BRD4: variants seen among roughly 807,000 people sequenced by gnomAD.
The protein encoded by BRD4 is bromodomain-containing protein 4.
Under a neutral mutation model 142.1 loss-of-function variants are expected in BRD4, and 16 were observed. The observed-to-expected ratio is 0.11, with a 90% CI of 0.08 to 0.17. BRD4 has a LOEUF of 0.17. BRD4 is among the 10% of genes least tolerant of loss of function. BRD4 has a pLI of 1.00. For synonymous variants in BRD4, 833 were observed against 707.5 expected (o/e 1.18, Z -2.82); for missense variants, 1,424 against 1,810.9 (o/e 0.79, Z 3.88).
At chr19:15,298,439 C>A (rs1474622889) in intron 1 of BRD4, among the ~76,000 whole-genome samples, 1 of 151,820 alleles carries the variant, frequency 6.6e-6, no homozygotes, top group Non-Finnish European at 1.5e-5. Context: ...AGATCAAGAC[C>A]AGCCTGCCCA....
At chr19:15,288,691 G>GCC (rs1370063661) in intron 1 of BRD4, among the ~76,000 whole-genome samples, 2 of 152,234 alleles carry the variant, frequency 1.3e-5, no homozygotes, top group Non-Finnish European at 2.9e-5. Context: ...GACACACAGG[G>GCC]CCGCCGAAGG....
At chr19:15,300,498 T>C (rs746954177) in intron 1 of BRD4, among the ~76,000 whole-genome samples, 1 of 151,958 alleles carries the variant, frequency 6.6e-6, no homozygotes, top group Non-Finnish European at 1.5e-5. Flanking sequence ...GAGGTTGCAG[T>C]GAGCAGAGAT....
At chr19:15,296,417 G>A (rs2047823339) in intron 1 of BRD4, among the ~76,000 whole-genome samples, 1 of 152,162 alleles carries the variant, frequency 6.6e-6, no homozygotes, top group South Asian at 2.1e-4. Context: ...CTTCTTCCAA[G>A]TGCATATTGG....
chr19:15,244,280 C>T lies in BRD4; in HGVS notation c.2532G>A (p.Glu844=), dbSNP rs1270534515. The change falls in exon 13 of 20, where the codon GAG becomes GAA. Residue 844 remains glutamate (E), a synonymous_variant. Transcript: ENST00000679869. The part of the protein sequence containing the change: ...ELPPHLPQPP[E]HSTPPHLNQH... Reference sequence around the variant, plus strand: ...GGTTGAGATGGGGTGGAGTGCTGTGCTCAGGCGGCTGGGGCAGGTGAGGGG... The same window carrying T: ...GGTTGAGATGGGGTGGAGTGCTGTGTTCAGGCGGCTGGGGCAGGTGAGGGG... 6.3e-7 allele frequency: 1 copy of T among 1,590,628 alleles called. No homozygotes were observed. Among genetic ancestry groups the T allele is most frequent in the Non-Finnish European group, 8.5e-7 (1 of 1,170,750 alleles).
chr19:15,282,507 C>T (rs1185716187), intron 1 of BRD4, among the ~76,000 whole-genome samples: 1 of 152,186 alleles, frequency 6.6e-6, no homozygotes, highest in African/African-American at 2.4e-5. Flanking sequence ...CAATCTATCC[C>T]CTTTGACAAG....
At chr19:15,306,041 A>C (rs776113381) in intron 1 of BRD4, among the ~76,000 whole-genome samples, 25 of 152,218 alleles carry the variant, frequency 1.6e-4, no homozygotes, top group Non-Finnish European at 2.8e-4. Flanking sequence ...GAATAGAGTT[A>C]CTACGGCCTT....
chr19:15,303,041 G>A (rs1345354910), intron 1 of BRD4, among the ~76,000 whole-genome samples: 2 of 150,306 alleles, frequency 1.3e-5, no homozygotes, highest in Non-Finnish European at 3.0e-5. Flanking sequence ...TTTTCTGAAA[G>A]GAGGGCTCTA....
chr19:15,265,156 C>T (rs1393424576), intron 5 of BRD4, among the ~76,000 whole-genome samples, 198 bp downstream of exon 5: 2 of 152,158 alleles, frequency 1.3e-5, no homozygotes, highest in South Asian at 4.1e-4. Flanking sequence ...CAGGAACCCA[C>T]TAGGAGGTGT....
At chr19:15,254,057 T>C in intron 11 of BRD4, 95 bp downstream of exon 11, 1 of 1,061,942 alleles carries the variant, frequency 9.4e-7, no homozygotes, top group Admixed American at 2.0e-5. Flanking sequence ...GGGAGTGCCG[T>C]CTCTGGGCTC....
In BRD4 at chr19:15,273,100, G is replaced by C; in HGVS notation, c.-1C>G. The C allele has an allele frequency of 6.3e-7, 1 of 1,580,566 alleles. No individual in the cohort carries two copies. The highest frequency in any genetic ancestry group is 8.6e-7 in the Non-Finnish European group (1 of 1,161,412). Reference sequence around the variant, plus strand: ...TCCCAGGGCCGCTCTCCGCAGACATGCTAGTGATCCCATCACATTCTTCAC... The same window carrying C: ...TCCCAGGGCCGCTCTCCGCAGACATCCTAGTGATCCCATCACATTCTTCAC... On this transcript the variant is annotated 5_prime_UTR_variant, in exon 2 of 20. Transcript: ENST00000679869.
intron 1 of BRD4, among the ~76,000 whole-genome samples, chr19:15,309,356 A>AAC (rs71174501): frequency 6.6e-6 from 1 of 151,146 alleles, no homozygotes; most frequent in Non-Finnish European, 1.5e-5. Context: ...AAAAAAAAAA[A>AAC]CCAACAAACT....
intron 1 of BRD4, among the ~76,000 whole-genome samples, chr19:15,306,996 C>T (rs749229149): frequency 3.3e-5 from 5 of 152,156 alleles, no homozygotes; most frequent in African/African-American, 4.8e-5. Flanking sequence ...AATAAAAAAA[C>T]CGCAATTATC....
chr19:15,272,769 G>T, intron 2 of BRD4, 46 bp downstream of exon 2: 1 of 1,562,732 alleles, frequency 6.4e-7, no homozygotes. Flanking sequence ...ACATGCAGGA[G>T]ACGACCTCCA....
chr19:15,280,256 C>G, intron 1 of BRD4: 1 of 1,006,426 alleles, frequency 9.9e-7, no homozygotes, highest in East Asian at 7.5e-5. Context: ...ACAGCTGTCT[C>G]CACTCACCAA....
rs116946140 is a variant in BRD4, at chr19:15,253,747, G to A, written c.2158+405C>T. ...CTGCACGTGACTGTGATACGGGGAA[G>A]GCCCTGGGGACACGAAGTCTCCACT... On this transcript the variant is annotated intron_variant, in intron 11 of 19. Transcript: ENST00000679869. 35 of 1,598,440 alleles carry A rather than the reference G, an allele frequency of 2.2e-5. No individual in the cohort carries two copies. The East Asian group carries it at 7.1e-4, about 33-fold the overall frequency.
intron 1 of BRD4, among the ~76,000 whole-genome samples, chr19:15,274,772 G>C (rs917927890): frequency 2.0e-5 from 3 of 152,212 alleles, no homozygotes; most frequent in African/African-American, 7.2e-5. Context: ...GCAAAGCCAA[G>C]GGACAAAAAC....
intron 7 of BRD4, 161 bp from the exon 8 acceptor site, chr19:15,257,334 C>T: frequency 1.5e-6 from 1 of 649,956 alleles, no homozygotes; most frequent in South Asian, 2.0e-5. Flanking sequence ...GGGCAAGGGC[C>T]AGCCAAGGGC....
In BRD4 at chr19:15,256,127, C is replaced by T. The variant is rs55970906; in HGVS notation, c.1688G>A (p.Ser563Asn). ...RKEEVEENKK[S>N]KAKEPPPKKT... ...TTTAGGAGGAGGTTCCTTGGCTTTGCTTTTTTTATTCTCTTCCACTTCCTC... is the reference window on the plus strand; with the variant it reads ...TTTAGGAGGAGGTTCCTTGGCTTTGTTTTTTTTATTCTCTTCCACTTCCTC... Residue 563 changes from serine to asparagine, a missense_variant, in exon 9 of 20, where the codon AGC (serine) becomes AAC (asparagine). Ser to Asn is a conservative substitution (Grantham distance 46). Transcript: ENST00000679869. The T allele has an allele frequency of 2.7e-4, 436 of 1,611,782 alleles. 3 individuals carry two copies. In the East Asian group the frequency reaches 7.6e-3, roughly 28 times the overall value.
intron 1 of BRD4, among the ~76,000 whole-genome samples, chr19:15,281,996 C>T (rs2047708489): frequency 6.6e-6 from 1 of 152,010 alleles, no homozygotes; most frequent in Non-Finnish European, 1.5e-5. Flanking sequence ...CCAGCCTGGG[C>T]AACAGAGCGA....
Sources: allele counts gnomAD v4.1 joint callset (sites outside exome capture counted in the v4.1 genomes callset), GRCh38; gene constraint gnomAD v4.1.1; transcripts MANE v1.5; gene names NCBI Gene and HGNC (gene_info 2026-07-23, HGNC 2026-07-21).